CFAP221: variants seen among roughly 807,000 people sequenced by gnomAD.
CFAP221 encodes cilia and flagella associated protein 221.
CFAP221 carries 97 observed loss-of-function variants against 113.1 expected under a neutral mutation model. The ratio of observed to expected loss-of-function variants is 0.86; its 90% confidence interval spans 0.73 to 1.02. The LOEUF (loss-of-function observed/expected upper bound fraction) is 1.02. Among genes scored for constraint, CFAP221 ranks in the 50% least tolerant of loss-of-function variants. The pLI is 0.00. For missense variants in CFAP221, 1,025 were observed against 1,013.4 expected (o/e 1.01, Z -0.16); for synonymous variants, 331 against 354.4 (o/e 0.93, Z 0.74).
intron 21 of CFAP221, 40 bp from the exon 22 acceptor site, chr2:119,646,918 T>C: frequency 1.9e-6 from 3 of 1,540,400 alleles, no homozygotes; most frequent in South Asian, 1.1e-5. Context: ...AGACTTCTAG[T>C]GTGACTCTAT....
At chr2:119,601,532 A>T (rs2104663469) in intron 8 of CFAP221, 155 bp downstream of exon 8, 1 of 684,062 alleles carries the variant, frequency 1.5e-6, no homozygotes, top group East Asian at 2.9e-5. Context: ...AACATAACAG[A>T]AATATAGAAT....
In CFAP221 at chr2:119,630,788, G is replaced by A. The variant is rs764050960; in HGVS notation, c.1861G>A (p.Ala621Thr). 2 of 1,612,164 alleles carry A rather than the reference G, an allele frequency of 1.2e-6. No individual in the cohort carries two copies. The highest frequency in any genetic ancestry group is 2.2e-5 in the East Asian group (1 of 44,832). ...TTAGGATGAAGTCACCACCATCACAGCCCTTCCGAAACAGGACTCCACAAC... is the reference window on the plus strand; with the variant it reads ...TTAGGATGAAGTCACCACCATCACAACCCTTCCGAAACAGGACTCCACAAC... ...GAEDEVTTITALPKQDSTTQL... is the reference protein window; with the variant it reads ...GAEDEVTTITTLPKQDSTTQL... Residue 621 changes from alanine (A) to threonine (T), a missense_variant, in exon 19 of 24, where the codon GCC (alanine) becomes ACC (threonine). By Grantham distance (58) the Ala-to-Thr change is moderately conservative. Transcript: ENST00000413369.
chr2:119,575,317 C>G (rs1465216031), intron 6 of CFAP221, among the ~76,000 whole-genome samples: 1 of 152,152 alleles, frequency 6.6e-6, no homozygotes, highest in Admixed American at 6.5e-5. Context: ...GCCGTGTTCT[C>G]GGGCCCCAGC....
At chr2:119,648,492 C>A in intron 22 of CFAP221, 1 of 298,552 alleles carries the variant, frequency 3.3e-6, no homozygotes, top group Non-Finnish European at 7.8e-6. Flanking sequence ...CGGGGTATAG[C>A]ACAAAGAAGG....
intron 7 of CFAP221, among the ~76,000 whole-genome samples, chr2:119,596,279 C>A (rs1683965622): frequency 6.6e-6 from 1 of 152,146 alleles, no homozygotes; most frequent in Non-Finnish European, 1.5e-5. Context: ...TGGGCTCCAG[C>A]AGTGGGTGGC....
At position 119,644,539 on chromosome 2, in the gene CFAP221, G is replaced by A. The variant is rs575609309; in HGVS notation, c.2226-2419G>A. Among the ~76,000 whole-genome samples the A allele has an allele frequency of 7.9e-5, 12 of 152,188 alleles. No individual in the cohort carries two copies. In the South Asian group the frequency reaches 1.7e-3, roughly 21 times the overall value. The stretch of plus-strand genomic sequence containing the variant: ...AACAAGGATAAGCTCTATGTCTCCG[G>A]GCCCAGGTTTGTTTTGGTGGGAAAT... On this transcript the variant is annotated intron_variant, in intron 21 of 23. Transcript: ENST00000413369.
chr2:119,576,229 G>T (rs1682432668), intron 6 of CFAP221, among the ~76,000 whole-genome samples: 1 of 152,074 alleles, frequency 6.6e-6, no homozygotes, highest in Non-Finnish European at 1.5e-5. Flanking sequence ...GGGGATACAT[G>T]CACATATTTG....
Position 119,639,777 on chromosome 2 carries a change from A to G in CFAP221, c.2134-4A>G, listed in dbSNP as rs1297405114. 1.2e-6 allele frequency: 2 copies of G among 1,612,604 alleles called. No homozygotes were observed. The highest frequency in any genetic ancestry group is 2.2e-5 in the East Asian group (1 of 44,860). ...TGCTTCCCATGTGCTGACTTTCCTT[A>G]CAGGACATTATTCCCGGAATAATGC... On this transcript the variant is annotated splice_region_variant and splice_polypyrimidine_tract_variant and intron_variant, in intron 20 of 23. Coordinates refer to ENST00000413369, the MANE Select transcript of CFAP221 (RefSeq NM_001271049.2).
chr2:119,588,305 T>G (rs745538640), intron 7 of CFAP221, among the ~76,000 whole-genome samples: 3 of 152,110 alleles, frequency 2.0e-5, no homozygotes, highest in Non-Finnish European at 4.4e-5. Flanking sequence ...CAGGTATGAC[T>G]GAGGTGGGTA....
chr2:119,606,500 T>C (rs1276341673), intron 11 of CFAP221, among the ~76,000 whole-genome samples: 4 of 152,046 alleles, frequency 2.6e-5, no homozygotes, highest in African/African-American at 9.7e-5. Context: ...TCAGCTTAAG[T>C]CTATAGTTAT....
intron 6 of CFAP221, among the ~76,000 whole-genome samples, chr2:119,581,698 T>G (rs1467771691): frequency 6.6e-6 from 1 of 152,054 alleles, no homozygotes; most frequent in Non-Finnish European, 1.5e-5. Context: ...ATTATGAAGA[T>G]TTGGTAAGTG....
intron 14 of CFAP221, among the ~76,000 whole-genome samples, chr2:119,624,724 C>T (rs1441872492): frequency 6.6e-6 from 1 of 152,090 alleles, no homozygotes; most frequent in African/African-American, 2.4e-5. Flanking sequence ...TTTGCAGGGA[C>T]ATGGATGAAG....
chr2:119,630,740 T>A (rs139165348), intron 18 of CFAP221, 27 bp from the exon 19 acceptor site: 1 of 1,608,094 alleles, frequency 6.2e-7, no homozygotes, highest in African/African-American at 1.3e-5. Context: ...GCATCAAAAC[T>A]AACGTGCTGT....
chr2:119,571,523 C>T (rs1249673403), intron 6 of CFAP221, among the ~76,000 whole-genome samples: 4 of 151,730 alleles, frequency 2.6e-5, no homozygotes, highest in Admixed American at 2.0e-4. Context: ...GTCAGGATCT[C>T]GGCTCACTGC....
intron 14 of CFAP221, among the ~76,000 whole-genome samples, chr2:119,616,878 A>G (rs1685567151): frequency 6.6e-6 from 1 of 152,188 alleles, no homozygotes; most frequent in South Asian, 2.1e-4. Context: ...TGCTGCCTGT[A>G]AATCTCTCAT....
chr2:119,645,965 A>G (rs965835241), intron 21 of CFAP221, among the ~76,000 whole-genome samples: 2 of 152,192 alleles, frequency 1.3e-5, no homozygotes, highest in Non-Finnish European at 2.9e-5. Context: ...AAATGTGTGT[A>G]TGGAAGGAGT....
chr2:119,573,570 C>G lies in CFAP221; in HGVS notation c.527+11456C>G, dbSNP rs533512500. 2.0e-5 allele frequency: 3 copies of G among 152,392 alleles called. No individual in the cohort carries two copies. In the South Asian group the frequency reaches 6.2e-4, roughly 32 times the overall value. 9.4% of individuals were successfully genotyped at this position (152,392 alleles called of 1,614,324 possible). On this transcript the variant is annotated intron_variant, in intron 6 of 23. Transcript: ENST00000413369. ...TTTAACAACAGCCTAGCTGGGTGCACCTGTAGTCTCAGCTACTCAGGAGGC... is the reference window on the plus strand; with the variant it reads ...TTTAACAACAGCCTAGCTGGGTGCAGCTGTAGTCTCAGCTACTCAGGAGGC...
At position 119,629,912 on chromosome 2, in the gene CFAP221, C is replaced by T. The variant is rs768678085; in HGVS notation, c.1688C>T (p.Ser563Leu). 5 of 1,613,840 alleles carry T rather than the reference C, an allele frequency of 3.1e-6. No individual in the cohort carries two copies. In the Admixed American group the frequency reaches 6.7e-5, roughly 22 times the overall value. The change falls in exon 17 of 24, where the codon TCA (serine) becomes TTA (leucine). Residue 563 changes from serine to leucine, a missense_variant. Physicochemically the swap from Ser to Leu is moderately radical, Grantham distance 145. Transcript: ENST00000413369. ...DGLGLVPIKS[S>L]EVQIKQSYSF... is the part of the protein sequence containing the mutation. Reference sequence around the variant, plus strand: ...CTTGGACTGGTCCCAATTAAGTCTTCAGAAGTTCAAATCAAGCAGAGTTAT... The same window carrying T: ...CTTGGACTGGTCCCAATTAAGTCTTTAGAAGTTCAAATCAAGCAGAGTTAT...
rs369752554 is a variant in CFAP221 at position 119,655,652 on chromosome 2, G to C, written c.2415-710G>C. Among the ~76,000 whole-genome samples the C allele has an allele frequency of 1.9e-3, 292 of 152,154 alleles. 1 individual carries two copies. The highest frequency in any genetic ancestry group is 6.6e-3 in the African/African-American group (273 of 41,506). ...CTCGTCATTTCCTCCCACATATCTGGATGCTGGTGAGCACCATGACAGTCT... is the reference window on the plus strand; with the variant it reads ...CTCGTCATTTCCTCCCACATATCTGCATGCTGGTGAGCACCATGACAGTCT... On this transcript the variant is annotated intron_variant, in intron 23 of 23. Transcript: ENST00000413369.
Sources: allele counts gnomAD v4.1 joint callset (sites outside exome capture counted in the v4.1 genomes callset), GRCh38; gene constraint gnomAD v4.1.1; transcripts MANE v1.5; gene names NCBI Gene and HGNC (gene_info 2026-07-23, HGNC 2026-07-21).